NFIB: variants seen among roughly 807,000 people sequenced by gnomAD.
NFIB encodes the protein nuclear factor 1 B-type.
Under a neutral mutation model 61.5 loss-of-function variants are expected in NFIB, and 11 were observed. That is an observed-to-expected ratio of 0.18 (90% CI 0.11 to 0.30). The LOEUF is 0.30. Ranked by LOEUF, NFIB falls within the 10% of genes least tolerant of loss-of-function variation. The pLI is 1.00. For synonymous variants in NFIB, 260 were observed against 216.5 expected (o/e 1.20, Z -1.76); for missense variants, 471 against 608.9 (o/e 0.77, Z 2.38).
the NFIB span, among the ~76,000 whole-genome samples, chr9:14,531,628 A>T: frequency 1.3e-5 from 2 of 148,292 alleles, no homozygotes; most frequent in East Asian, 4.0e-4. Flanking sequence ...TGACTGCCCC[A>T]CCTCCATCTA....
the NFIB span, among the ~76,000 whole-genome samples, chr9:14,493,116 T>G: frequency 5.3e-5 from 8 of 152,188 alleles, no homozygotes; most frequent in African/African-American, 1.9e-4. Context: ...TCTAAGGCAG[T>G]GCTCTCTCTC....
At chr9:14,524,789 A>G in the NFIB span, among the ~76,000 whole-genome samples, 1 of 152,206 alleles carries the variant, frequency 6.6e-6, no homozygotes, top group Non-Finnish European at 1.5e-5. Flanking sequence ...AGAATTTACC[A>G]TTATATCACA....
At chr9:14,260,392 T>G (rs950063855) in intron 2 of NFIB, among the ~76,000 whole-genome samples, 1 of 152,228 alleles carries the variant, frequency 6.6e-6, no homozygotes, top group Admixed American at 6.5e-5. Flanking sequence ...AAAATTGCTT[T>G]TCAGTCATGT....
chr9:14,097,514 G>A (rs1034642247), intron 10 of NFIB, among the ~76,000 whole-genome samples: 1 of 152,060 alleles, frequency 6.6e-6, no homozygotes, highest in Admixed American at 6.6e-5. Context: ...GAATTCGCGG[G>A]GATGTTCTAA....
intron 2 of NFIB, among the ~76,000 whole-genome samples, chr9:14,286,836 C>A (rs989906406): frequency 6.6e-6 from 1 of 152,118 alleles, no homozygotes; most frequent in African/African-American, 2.4e-5. Flanking sequence ...CATAAAGGGG[C>A]AAACTGAGAA....
intron 3 of NFIB, among the ~76,000 whole-genome samples, chr9:14,178,152 G>T (rs897646562): frequency 2.6e-4 from 40 of 152,154 alleles, no homozygotes; most frequent in African/African-American, 9.4e-4. Flanking sequence ...TTTGTAAGAT[G>T]AGTAAGGAGA....
intron 2 of NFIB, among the ~76,000 whole-genome samples, chr9:14,268,606 T>C (rs1467313408): frequency 6.6e-6 from 1 of 152,220 alleles, no homozygotes; most frequent in African/African-American, 2.4e-5. Context: ...AGAACCTTCT[T>C]TGGATTCTTG....
chr9:14,438,414 C>T, the NFIB span, among the ~76,000 whole-genome samples: 10 of 152,254 alleles, frequency 6.6e-5, no homozygotes, highest in South Asian at 1.0e-3. Context: ...CAGAGAACAA[C>T]GCATTATTTT....
chr9:14,185,929 T>C (rs761707479), intron 2 of NFIB, among the ~76,000 whole-genome samples: 14 of 152,150 alleles, frequency 9.2e-5, no homozygotes, highest in Admixed American at 2.0e-4. Flanking sequence ...AGAGAAGAAA[T>C]GTTTGTTGAA....
At chr9:14,261,970 G>A (rs1173942596) in intron 2 of NFIB, among the ~76,000 whole-genome samples, 1 of 152,176 alleles carries the variant, frequency 6.6e-6, no homozygotes, top group Non-Finnish European at 1.5e-5. Context: ...GGCAGGAGGT[G>A]GAGGGGGTAC....
the NFIB span, among the ~76,000 whole-genome samples, chr9:14,416,699 TG>T: frequency 8.6e-5 from 13 of 151,912 alleles, no homozygotes; most frequent in Non-Finnish European, 1.2e-4. Flanking sequence ...AATTTATTAT[TG>T]AAGAAAGAAA....
chr9:14,512,210 A>G, the NFIB span, among the ~76,000 whole-genome samples: 1 of 152,196 alleles, frequency 6.6e-6, no homozygotes, highest in East Asian at 1.9e-4. Context: ...CAACGTCTAC[A>G]AAGCTGAGGA....
At chr9:14,418,696 C>T in the NFIB span, among the ~76,000 whole-genome samples, 5 of 152,146 alleles carry the variant, frequency 3.3e-5, no homozygotes, top group African/African-American at 1.2e-4. Context: ...GGAAAACGTG[C>T]AGCTTACATG....
At chr9:14,253,870 T>A (rs1394717663) in intron 2 of NFIB, among the ~76,000 whole-genome samples, 1 of 152,114 alleles carries the variant, frequency 6.6e-6, no homozygotes, top group East Asian at 1.9e-4. Context: ...CTCCAGCACA[T>A]CATGGGTCTT....
In NFIB at chr9:14,280,616, C is replaced by T. The variant is rs548560135; in HGVS notation, c.562+26373G>A. Among the ~76,000 whole-genome samples the T allele has an allele frequency of 2.8e-4, 43 of 152,286 alleles. No individual in the cohort carries two copies. In the South Asian group the frequency reaches 8.1e-3, roughly 29 times the overall value. ...AGGCAATTCATTGACTAGTCTTCTC[C>T]TGTAACAAGTAGCTCCCAGGGAATT... is the stretch of plus-strand genomic sequence containing the variant. On this transcript the variant is annotated intron_variant, in intron 2 of 10. Coordinates refer to ENST00000380953, the MANE Select transcript of NFIB (RefSeq NM_001190737.2).
At chr9:14,304,473 G>C (rs1257438499) in intron 2 of NFIB, among the ~76,000 whole-genome samples, 2 of 152,170 alleles carry the variant, frequency 1.3e-5, no homozygotes, top group East Asian at 1.9e-4. Context: ...CAAATCACAG[G>C]CATCCTGAGC....
At chr9:14,098,342 G>C (rs192289887) in intron 10 of NFIB, among the ~76,000 whole-genome samples, 7 of 152,288 alleles carry the variant, frequency 4.6e-5, no homozygotes, top group Admixed American at 4.6e-4. Context: ...TGAAGGGAGA[G>C]AAGAGAGAAT....
intron 1 of NFIB, among the ~76,000 whole-genome samples, chr9:14,326,890 A>G (rs985114681): frequency 6.6e-6 from 1 of 152,186 alleles, no homozygotes; most frequent in African/African-American, 2.4e-5. Context: ...TAAAAATACT[A>G]TGAGCAATTA....
the NFIB span, among the ~76,000 whole-genome samples, chr9:14,428,315 T>A: frequency 6.6e-6 from 1 of 152,146 alleles, no homozygotes; most frequent in Non-Finnish European, 1.5e-5. Context: ...TGAATCCATT[T>A]TATAAGCAAG....
Sources: gnomAD v4.1 joint callset for allele counts (sites outside exome capture counted in the v4.1 genomes callset) on GRCh38, gnomAD v4.1.1 for gene constraint, MANE v1.5 for transcripts, NCBI Gene and HGNC (gene_info 2026-07-23, HGNC 2026-07-21) for gene names.